The following HPSE2 variants were observed in gnomAD, a reference collection of about 807,000 sequenced individuals.
HPSE2 encodes inactive heparanase-2.
In HPSE2, 38 loss-of-function variants were observed where a neutral mutation model predicts 60.5. The observed-to-expected ratio is 0.63, with a 90% CI of 0.48 to 0.82. The LOEUF (loss-of-function observed/expected upper bound fraction) is 0.82. Ranked by LOEUF, HPSE2 falls within the 40% of genes least tolerant of loss-of-function variation. The pLI is 0.00. For missense variants in HPSE2, 713 were observed against 740.4 expected, an observed-to-expected ratio of 0.96 and a Z score of 0.43; for synonymous variants, 295 against 293.2, an observed-to-expected ratio of 1.01 and a Z score of -0.06.
chr10:98,840,270 T>C (rs903323997), intron 3 of HPSE2, among the ~76,000 whole-genome samples: 1 of 151,970 alleles, frequency 6.6e-6, no homozygotes, highest in Non-Finnish European at 1.5e-5. Context: ...GTATGAAAAA[T>C]TGTTGGAAAT....
chr10:98,913,989 G>A (rs1954049389), intron 3 of HPSE2, among the ~76,000 whole-genome samples: 2 of 152,058 alleles, frequency 1.3e-5, no homozygotes, highest in African/African-American at 4.8e-5. Context: ...ATTTTAGAAG[G>A]TGAAAATGGA....
intron 3 of HPSE2, among the ~76,000 whole-genome samples, chr10:98,794,228 T>C (rs1589834674): frequency 6.6e-6 from 1 of 151,204 alleles, no homozygotes; most frequent in African/African-American, 2.4e-5. Flanking sequence ...GAGCCCAGCA[T>C]TATACATTGC....
chr10:99,200,302 C>T (rs1053141039), intron 2 of HPSE2, among the ~76,000 whole-genome samples: 1 of 152,068 alleles, frequency 6.6e-6, no homozygotes, highest in African/African-American at 2.4e-5. Context: ...GGAAACATGA[C>T]ATCAAACATT....
intron 2 of HPSE2, among the ~76,000 whole-genome samples, chr10:99,156,504 T>C (rs1318905331): frequency 5.3e-5 from 7 of 131,110 alleles, no homozygotes; most frequent in African/African-American, 1.8e-4. Flanking sequence ...AAAAACCACA[T>C]GATTATCTCA....
At chr10:99,256,412 T>A in the HPSE2 span, among the ~76,000 whole-genome samples, 1 of 146,686 alleles carries the variant, frequency 6.8e-6, no homozygotes, top group Non-Finnish European at 1.5e-5. Context: ...ACCAAACAGG[T>A]CCTTATGATA....
At chr10:99,303,061 G>A in the HPSE2 span, among the ~76,000 whole-genome samples, 74,529 of 151,882 alleles carry the variant, frequency 0.49, 21,579 homozygotes, top group Non-Finnish European at 0.64. Flanking sequence ...AGTCTGCAGA[G>A]TGATAACAGA....
At position 98,606,666 on chromosome 10, in the gene HPSE2, A is replaced by G. The variant is rs139926649; in HGVS notation, c.1320+8238T>C. 5.3e-3 allele frequency among the ~76,000 whole-genome samples: 809 copies of G among 152,370 alleles called. 8 individuals are homozygous for G. The highest frequency in any genetic ancestry group is 0.018 in the African/African-American group (762 of 41,592). On this transcript the variant is annotated intron_variant, in intron 9 of 11. Transcript: ENST00000370552. ...ATGAAATAAGCAGAGATTGATAATA[A>G]TTGAAAGTTAGTAAGTGAGGTATCT...
rs560438188 is a variant in HPSE2, at chr10:98,873,233, T to C, written c.611-129177A>G. Among the ~76,000 whole-genome samples the C allele has an allele frequency of 3.9e-5, 6 of 152,210 alleles. No individual in the cohort carries two copies. In the South Asian group the frequency reaches 1.2e-3, roughly 32 times the overall value. On this transcript the variant is annotated intron_variant, in intron 3 of 11. Coordinates refer to ENST00000370552, the MANE Select transcript of HPSE2 (RefSeq NM_021828.5). ...AGTTTCTTTTTTTAATTTGTATTTG[T>C]TTATTTTTATTTTACACTAATTTCC...
At chr10:98,718,575 A>C (rs1948846234) in intron 5 of HPSE2, among the ~76,000 whole-genome samples, 2 of 152,186 alleles carry the variant, frequency 1.3e-5, no homozygotes, top group African/African-American at 4.8e-5. Context: ...AAGAAAATGT[A>C]GTATATATAC....
chr10:99,062,172 G>A (rs1273198055), intron 3 of HPSE2, among the ~76,000 whole-genome samples: 1 of 152,116 alleles, frequency 6.6e-6, no homozygotes. Flanking sequence ...ATTAAACTAT[G>A]CATAGTGTTC....
chr10:99,106,968 G>A (rs1015790879), intron 3 of HPSE2, among the ~76,000 whole-genome samples: 1 of 152,034 alleles, frequency 6.6e-6, no homozygotes, highest in Non-Finnish European at 1.5e-5. Context: ...CCTCCTGGAT[G>A]CAAGCGATTC....
chr10:99,001,447 T>C (rs1956775159), intron 3 of HPSE2, among the ~76,000 whole-genome samples: 1 of 152,146 alleles, frequency 6.6e-6, no homozygotes, highest in East Asian at 1.9e-4. Flanking sequence ...TCTGCTTCCA[T>C]GAGGTAGTCC....
chr10:98,697,153 T>A (rs921074885), intron 5 of HPSE2, among the ~76,000 whole-genome samples: 10 of 152,118 alleles, frequency 6.6e-5, no homozygotes, highest in Admixed American at 5.9e-4. Context: ...GAGGATGCGA[T>A]GGATGAATTG....
chr10:99,021,692 C>T (rs916300168), intron 3 of HPSE2, among the ~76,000 whole-genome samples: 3 of 151,946 alleles, frequency 2.0e-5, no homozygotes, highest in Non-Finnish European at 2.9e-5. Context: ...TCTCTGATGT[C>T]CTTAGAACAT....
chr10:99,241,990 T>A, the HPSE2 span, among the ~76,000 whole-genome samples: 6 of 152,360 alleles, frequency 3.9e-5, no homozygotes, highest in East Asian at 1.2e-3. Context: ...TTTAATCATG[T>A]AGGCTCTTCT....
intron 3 of HPSE2, among the ~76,000 whole-genome samples, chr10:99,065,976 C>T (rs927696973): frequency 4.7e-4 from 29 of 61,520 alleles, no homozygotes; most frequent in Non-Finnish European, 1.6e-4. Flanking sequence ...TGATAAGTCA[C>T]AGAAATCCAT....
chr10:99,297,128 C>G, the HPSE2 span, among the ~76,000 whole-genome samples: 1 of 151,832 alleles, frequency 6.6e-6, no homozygotes, highest in Non-Finnish European at 1.5e-5. Context: ...TGCTTCTCCC[C>G]ACCGCAGCCT....
chr10:98,872,074 A>T (rs1056990356), intron 3 of HPSE2, among the ~76,000 whole-genome samples: 3 of 152,092 alleles, frequency 2.0e-5, no homozygotes, highest in Non-Finnish European at 2.9e-5. Context: ...ATACCACTGT[A>T]TCCACCATTT....
chr10:98,537,713 G>A (rs890435701), intron 9 of HPSE2, among the ~76,000 whole-genome samples: 6 of 152,094 alleles, frequency 3.9e-5, no homozygotes, highest in Admixed American at 2.0e-4. Flanking sequence ...TTAGCAGACC[G>A]CGAAAGGGAG....
Sources: allele counts gnomAD v4.1 joint callset (sites outside exome capture counted in the v4.1 genomes callset), GRCh38; gene constraint gnomAD v4.1.1; transcripts MANE v1.5; gene names NCBI Gene and HGNC (gene_info 2026-07-23, HGNC 2026-07-21).